The following ROBO2 variants were observed in gnomAD, a reference collection of about 807,000 sequenced individuals.
ROBO2 encodes the protein roundabout homolog 2.
Under a neutral mutation model 160.8 loss-of-function variants are expected in ROBO2, and 53 were observed. The observed-to-expected ratio is 0.33, with a 90% CI of 0.26 to 0.41. ROBO2 has a LOEUF of 0.41. Among genes scored for constraint, ROBO2 ranks in the 10% least tolerant of loss-of-function variants. The pLI is 1.00. For missense variants in ROBO2, 1,577 were observed against 1,722.4 expected, an observed-to-expected ratio of 0.92 and a Z score of 1.49; for synonymous variants, 664 against 611.7, an observed-to-expected ratio of 1.09 and a Z score of -1.26.
chr3:76,055,854 G>A, intron 2 of ROBO2, among the ~76,000 whole-genome samples: 1 of 152,150 alleles, frequency 6.6e-6, no homozygotes, highest in Non-Finnish European at 1.5e-5. Context: ...TGCCTCCTGG[G>A]TTCAAGCGAT....
intron 2 of ROBO2, among the ~76,000 whole-genome samples, chr3:77,293,040 G>T (rs1158641071): frequency 6.7e-6 from 1 of 150,280 alleles, no homozygotes; most frequent in African/African-American, 2.4e-5. Flanking sequence ...AAGTAAAATT[G>T]ATGGTTAAAT....
chr3:76,854,719 A>T (rs2148567707), intron 2 of ROBO2, among the ~76,000 whole-genome samples: 1 of 152,280 alleles, frequency 6.6e-6, no homozygotes, highest in South Asian at 2.1e-4. Flanking sequence ...TACAGCTCAA[A>T]TTTTTGTTGG....
chr3:76,144,414 A>C (rs574007697), intron 2 of ROBO2, among the ~76,000 whole-genome samples: 224 of 152,120 alleles, frequency 1.5e-3, no homozygotes, highest in African/African-American at 3.8e-3. Flanking sequence ...TTTTAAAAGA[A>C]CTTGTCTCTG....
chr3:76,134,695 G>A (rs766911083), intron 2 of ROBO2, among the ~76,000 whole-genome samples: 4 of 151,906 alleles, frequency 2.6e-5, no homozygotes, highest in African/African-American at 4.8e-5. Flanking sequence ...CCTTACGAAA[G>A]GACCAAGCTA....
intron 13 of ROBO2, among the ~76,000 whole-genome samples, chr3:77,570,296 C>T (rs2093605416): frequency 6.6e-6 from 1 of 151,960 alleles, no homozygotes; most frequent in African/African-American, 2.4e-5. Context: ...AGCATTAGAT[C>T]AAAATTGCAT....
intron 2 of ROBO2, among the ~76,000 whole-genome samples, chr3:76,690,925 G>T (rs1334220785): frequency 6.6e-6 from 1 of 152,000 alleles, no homozygotes; most frequent in South Asian, 2.1e-4. Context: ...ATATTAACAG[G>T]TGGGTCCTCT....
intron 2 of ROBO2, among the ~76,000 whole-genome samples, chr3:77,226,264 T>C (rs996720791): frequency 2.4e-4 from 37 of 151,994 alleles, no homozygotes; most frequent in African/African-American, 8.9e-4. Flanking sequence ...AAGATGACCC[T>C]ATATGGACCG....
intron 2 of ROBO2, among the ~76,000 whole-genome samples, chr3:77,234,564 G>A (rs900866414): frequency 2.0e-5 from 3 of 152,156 alleles, no homozygotes; most frequent in Admixed American, 1.3e-4. Flanking sequence ...AGGTTATCTG[G>A]CATATGAAAG....
At chr3:76,175,027 C>T (rs1054791956) in intron 2 of ROBO2, among the ~76,000 whole-genome samples, 4 of 152,076 alleles carry the variant, frequency 2.6e-5, no homozygotes, top group Non-Finnish European at 4.4e-5. Flanking sequence ...TTTGTGTCCT[C>T]TTTTATTTTA....
intron 2 of ROBO2, among the ~76,000 whole-genome samples, chr3:76,238,332 C>T (rs1023833573): frequency 6.6e-5 from 10 of 152,266 alleles, no homozygotes; most frequent in African/African-American, 2.4e-4. Context: ...GGGACTTCTT[C>T]ACGTGGTAGC....
At chr3:77,495,725 A>C (rs7619803) in intron 5 of ROBO2, among the ~76,000 whole-genome samples, 1 of 152,172 alleles carries the variant, frequency 6.6e-6, no homozygotes, top group East Asian at 1.9e-4. Context: ...TTCTTAGCAC[A>C]TTGTATCAGG....
At chr3:76,345,264 A>T (rs535331262) in intron 2 of ROBO2, among the ~76,000 whole-genome samples, 119 of 152,178 alleles carry the variant, frequency 7.8e-4, no homozygotes, top group Non-Finnish European at 6.8e-4. Context: ...AGTCATGGGA[A>T]AGGCCTCTGT....
chr3:76,949,573 C>G (rs1363421227), intron 2 of ROBO2, among the ~76,000 whole-genome samples: 2 of 152,218 alleles, frequency 1.3e-5, no homozygotes, highest in East Asian at 1.9e-4. Context: ...TTTCCGGTGT[C>G]CACGTCCGAC....
intron 2 of ROBO2, among the ~76,000 whole-genome samples, chr3:76,840,406 G>A (rs1344645926): frequency 6.6e-6 from 1 of 151,320 alleles, no homozygotes; most frequent in Non-Finnish European, 1.5e-5. Context: ...TCAGGAGATT[G>A]AGACCATCCT....
chr3:76,126,826 CAT>C (rs1158526688), intron 2 of ROBO2, among the ~76,000 whole-genome samples: 12 of 152,130 alleles, frequency 7.9e-5, no homozygotes, highest in African/African-American at 2.9e-4. Context: ...TATAAAATAA[CAT>C]GTGTTTAAGT....
intron 2 of ROBO2, among the ~76,000 whole-genome samples, chr3:76,215,837 C>G (rs1336500456): frequency 1.3e-5 from 2 of 152,100 alleles, no homozygotes; most frequent in African/African-American, 4.8e-5. Context: ...TCGAGAAGAA[C>G]AGCTCCAAGA....
chr3:77,185,389 C>A (rs949799217), intron 2 of ROBO2, among the ~76,000 whole-genome samples: 5 of 151,686 alleles, frequency 3.3e-5, no homozygotes, highest in African/African-American at 9.7e-5. Context: ...AGAGAAGAAA[C>A]GGAAGCATAG....
At chr3:77,473,440 C>CTTTTTTTTTTTT (rs71104688) in intron 2 of ROBO2, among the ~76,000 whole-genome samples, 10 of 77,936 alleles carry the variant, frequency 1.3e-4, no homozygotes, top group African/African-American at 2.8e-4. Flanking sequence ...ACAAACTGCT[C>CTTTTTTTTTTTT]TTTTTTTTTT....
intron 2 of ROBO2, among the ~76,000 whole-genome samples, chr3:76,309,257 A>G (rs1576347253): frequency 6.6e-6 from 1 of 152,336 alleles, no homozygotes; most frequent in East Asian, 1.9e-4. Context: ...GGAAAAAGAA[A>G]ATCAAATTCT....
Sources: allele counts gnomAD v4.1 joint callset (sites outside exome capture counted in the v4.1 genomes callset), GRCh38; gene constraint gnomAD v4.1.1; transcripts MANE v1.5; gene names NCBI Gene and HGNC (gene_info 2026-07-23, HGNC 2026-07-21).